SNRNP200: variants seen among roughly 807,000 people sequenced by gnomAD.
SNRNP200 encodes small nuclear ribonucleoprotein U5 subunit 200.
In SNRNP200, 66 loss-of-function variants were observed where a neutral mutation model predicts 255.2. The ratio of observed to expected loss-of-function variants is 0.26; its 90% confidence interval spans 0.21 to 0.32. SNRNP200 has a LOEUF of 0.32. Ranked by LOEUF, SNRNP200 falls within the 10% of genes least tolerant of loss-of-function variation. The pLI is 1.00. For synonymous variants in SNRNP200, 939 were observed against 1,027.8 expected (o/e 0.91, Z 1.65); for missense variants, 1,585 against 2,749.8 (o/e 0.58, Z 9.47).
chr2:96,282,881 A>C, intron 34 of SNRNP200: 1 of 451,008 alleles, frequency 2.2e-6, no homozygotes, highest in Non-Finnish European at 4.1e-6. Context: ...GAACGGACTA[A>C]TACACTTGGG....
intron 9 of SNRNP200, 59 bp from the exon 10 acceptor site, chr2:96,297,779 C>T: frequency 1.3e-6 from 2 of 1,575,832 alleles, no homozygotes; most frequent in African/African-American, 1.3e-5. Context: ...AGGTTCTTGT[C>T]CTTTTCTGCC....
At position 96,278,270 on chromosome 2, in the gene SNRNP200, G is replaced by A; in HGVS notation, c.5577C>T (p.Pro1859=). The change falls in exon 39 of 45, where the codon CCC becomes CCT. Residue 1859 remains proline, a synonymous_variant. Coordinates refer to ENST00000323853, the MANE Select transcript of SNRNP200 (RefSeq NM_014014.5). This position sits in a 1 kb window ranked among gnomAD's most constrained non-coding sequence, Gnocchi z 6.9. ...ISNAAEYENI[P]IRHHEDNLLR... ...GGAGATTGTCTTCATGGTGCCGGATGGGAATGTTCTCATACTCTGCTGCAT... is the reference window on the plus strand; with the variant it reads ...GGAGATTGTCTTCATGGTGCCGGATAGGAATGTTCTCATACTCTGCTGCAT... 6.2e-7 allele frequency: 1 copy of A among 1,614,180 alleles called. No homozygotes were observed. The highest frequency in any genetic ancestry group is 1.6e-4 in the Middle Eastern group (1 of 6,062).
chr2:96,301,993 G>C (rs1220525571), intron 3 of SNRNP200, among the ~76,000 whole-genome samples: 1 of 152,196 alleles, frequency 6.6e-6, no homozygotes, highest in African/African-American at 2.4e-5. Flanking sequence ...CCTCTAGCTT[G>C]CCACACTTTT....
At chr2:96,294,132 CAA>C (rs149859993) in intron 14 of SNRNP200, among the ~76,000 whole-genome samples, 36,844 of 84,566 alleles carry the variant, frequency 0.44, 5,169 homozygotes, top group South Asian at 0.7. Flanking sequence ...TGCTCCATCT[CAA>C]AAAAAAAAAA....
rs563649293 is a variant in SNRNP200, at chr2:96,281,416, G to A, written c.5024+398C>T. 4.4e-5 allele frequency: 12 copies of A among 274,870 alleles called. No individual in the cohort carries two copies. In the East Asian group the frequency reaches 9.3e-4, roughly 21 times the overall value. 17.0% of individuals were successfully genotyped at this position (274,870 alleles called of 1,614,324 possible). On this transcript the variant is annotated intron_variant, in intron 35 of 44. Transcript: ENST00000323853. Reference sequence around the variant, plus strand: ...ACTCCTGACCTCAAGTGATCCGCCCGCCTCAGCCTCCCAAAGTGCTGGGAT... The same window carrying A: ...ACTCCTGACCTCAAGTGATCCGCCCACCTCAGCCTCCCAAAGTGCTGGGAT...
Position 96,297,656 on chromosome 2 carries a change from T to G in SNRNP200, c.1184A>C (p.Asp395Ala), listed in dbSNP as rs1416886677. ...TCCTACCTCTCCACCCTGGTCGAGA[T>G]CCATGGTTTCCAGATCTGTGTCCAT... ...SRMDTDLETM[D>A]LDQGGEALAP... Residue 395 changes from aspartate to alanine, a missense_variant, in exon 10 of 45, where the codon GAT (aspartate) becomes GCT (alanine). Physicochemically the swap from Asp to Ala is moderately radical, Grantham distance 126. Around this residue, in one of 9 missense-constraint regions of SNRNP200, gnomAD observed 383 missense variants for 645.3 expected, o/e 0.59. Transcript: ENST00000323853. 3 of 1,614,198 alleles carry G rather than the reference T, an allele frequency of 1.9e-6. No homozygotes were observed. The highest frequency in any genetic ancestry group is 2.5e-6 in the Non-Finnish European group (3 of 1,180,020).
intron 4 of SNRNP200, 67 bp from the exon 5 acceptor site, chr2:96,301,120 A>C (rs2063949714): frequency 7.6e-7 from 1 of 1,318,206 alleles, no homozygotes; most frequent in African/African-American, 1.4e-5. Context: ...CTCTGGAGCC[A>C]ATGTCCTCCC....
chr2:96,287,744 C>G lies in SNRNP200; in HGVS notation c.3365+119G>C. 1.0e-6 allele frequency: 1 copy of G among 983,122 alleles called. No homozygotes were observed. Among genetic ancestry groups the G allele is most frequent in the Non-Finnish European group, 1.6e-6 (1 of 606,790 alleles). 60.9% of individuals were successfully genotyped at this position (983,122 alleles called of 1,614,324 possible). A position where few individuals can be genotyped will look rare whatever the true frequency, so the allele number is the denominator to read the frequency against. On this transcript the variant is annotated intron_variant, in intron 25 of 44. Transcript: ENST00000323853. This position sits in a 1 kb window ranked among gnomAD's most constrained non-coding sequence, Gnocchi z 5.7. ...CCTCTTCTCAATGTGCACCAAGGTTCAGGTCATACTTCCGATGTCAGGTCT... is the reference window on the plus strand; with the variant it reads ...CCTCTTCTCAATGTGCACCAAGGTTGAGGTCATACTTCCGATGTCAGGTCT...
rs201622009 is a variant in SNRNP200 at position 96,278,740 on chromosome 2, C to T, written c.5324-29G>A. 6.8e-6 allele frequency: 11 copies of T among 1,614,160 alleles called. No homozygotes were observed. Among genetic ancestry groups the T allele is most frequent in the Non-Finnish European group, 9.3e-6 (11 of 1,180,032 alleles). Reference sequence around the variant, plus strand: ...TGGAGGCGAGAGGTGAGTGGGGAGCCTCAAGAAGATGCCCAGCAAAGACTG... The same window carrying T: ...TGGAGGCGAGAGGTGAGTGGGGAGCTTCAAGAAGATGCCCAGCAAAGACTG... On this transcript the variant is annotated intron_variant, in intron 37 of 44. Transcript: ENST00000323853. This position sits in a 1 kb window ranked among gnomAD's most constrained non-coding sequence, Gnocchi z 6.9.
Position 96,291,423 on chromosome 2 carries a change from A to G in SNRNP200, c.2390T>C (p.Val797Ala). The change falls in exon 18 of 45, where the codon GTG becomes GCG. Residue 797 changes from valine (V) to alanine (A), a missense_variant. Physicochemically the swap from Val to Ala is moderately conservative, Grantham distance 64 (BLOSUM62 0). This residue lies in a region of SNRNP200 where 140 missense variants were observed against 274.9 expected (regional missense o/e 0.51). Coordinates refer to ENST00000323853, the MANE Select transcript of SNRNP200 (RefSeq NM_014014.5). The surrounding 1 kb of genome is among the most constrained non-coding windows in gnomAD (Gnocchi z 4.2). ...AGMTRVDRTL[V>A]EDLFADKHIQ... Reference sequence around the variant, plus strand: ...ATGTTTATCAGCAAAAAGATCCTCCACGAGTGTTCGGTCAACCCTGGTCAT... The same window carrying G: ...ATGTTTATCAGCAAAAAGATCCTCCGCGAGTGTTCGGTCAACCCTGGTCAT... The G allele has an allele frequency of 6.2e-7, 1 of 1,611,768 alleles. No homozygotes were observed. Among genetic ancestry groups the G allele is most frequent in the Non-Finnish European group, 8.5e-7 (1 of 1,177,872 alleles).
chr2:96,294,900 T>TA (rs1204852978), intron 14 of SNRNP200, among the ~76,000 whole-genome samples: 2 of 152,058 alleles, frequency 1.3e-5, no homozygotes, highest in African/African-American at 2.4e-5. Flanking sequence ...ATTTCAGACA[T>TA]AAAAAAATAT....
intron 43 of SNRNP200, 146 bp from the exon 44 acceptor site, chr2:96,275,495 T>C: frequency 1.3e-6 from 1 of 748,628 alleles, no homozygotes; most frequent in Non-Finnish European, 2.3e-6. Context: ...TTTAACATTT[T>C]AATACTATCA....
Position 96,278,664 on chromosome 2 carries a change from G to C in SNRNP200, c.5371C>G (p.Gln1791Glu). ...LSDHLSELVE[Q>E]TLSDLEQSKC... is the part of the protein sequence containing the mutation. ...GACTGCTCCAGGTCACTCAGGGTCT[G>C]CTCCACCAGCTCTGACAAGTGGTCC... The change falls in exon 38 of 45, where the codon CAG becomes GAG. Residue 1791 changes from glutamine (Q) to glutamate (E), a missense_variant. Gln to Glu is a conservative substitution (Grantham distance 29, BLOSUM62 2). Coordinates refer to ENST00000323853, the MANE Select transcript of SNRNP200 (RefSeq NM_014014.5). The surrounding 1 kb of genome is among the most constrained non-coding windows in gnomAD (Gnocchi z 6.9). 1 of 1,614,244 alleles carries C rather than the reference G, an allele frequency of 6.2e-7. No individual in the cohort carries two copies. Among genetic ancestry groups the C allele is most frequent in the Non-Finnish European group, 8.5e-7 (1 of 1,180,048 alleles).
Position 96,278,408 on chromosome 2 carries a change from G to A in SNRNP200, c.5489-50C>T. On this transcript the variant is annotated intron_variant, in intron 38 of 44. Coordinates refer to ENST00000323853, the MANE Select transcript of SNRNP200 (RefSeq NM_014014.5). The surrounding 1 kb of genome is among the most constrained non-coding windows in gnomAD (Gnocchi z 6.9). Reference sequence around the variant, plus strand: ...GAAGCTAAAACCAGGCAGAGAAGGAGCAGAACTGCCCGGGCTCCCCTGCTG... The same window carrying A: ...GAAGCTAAAACCAGGCAGAGAAGGAACAGAACTGCCCGGGCTCCCCTGCTG... 1 of 1,613,618 alleles carries A rather than the reference G, an allele frequency of 6.2e-7. No homozygotes were observed. The highest frequency in any genetic ancestry group is 1.1e-5 in the South Asian group (1 of 90,968).
chr2:96,296,344 T>G (rs1325112884), intron 13 of SNRNP200, among the ~76,000 whole-genome samples, 192 bp downstream of exon 13: 3 of 152,172 alleles, frequency 2.0e-5, no homozygotes, highest in African/African-American at 7.2e-5. Context: ...GCTCAGGACA[T>G]TCTTACTTCA....
chr2:96,293,951 T>A (rs895562772), intron 14 of SNRNP200, among the ~76,000 whole-genome samples: 3 of 152,098 alleles, frequency 2.0e-5, no homozygotes, highest in Non-Finnish European at 4.4e-5. Flanking sequence ...AGCCAGGGGA[T>A]GTTGTTAAAA....
intron 34 of SNRNP200, chr2:96,282,609 G>C (rs1383153991): frequency 1.5e-5 from 3 of 196,300 alleles, no homozygotes; most frequent in African/African-American, 7.0e-5. Flanking sequence ...CTCATGAATG[G>C]TTTAGCACCA....
chr2:96,284,254 G>A (rs2063827573), intron 31 of SNRNP200, 104 bp downstream of exon 31: 1 of 1,039,852 alleles, frequency 9.6e-7, no homozygotes, highest in South Asian at 1.3e-5. Context: ...AATCCTCTGG[G>A]GAGAAGCCCC....
At position 96,281,851 on chromosome 2, in the gene SNRNP200, T is replaced by C. The variant is rs372940792; in HGVS notation, c.4987A>G (p.Ile1663Val). 3.7e-6 allele frequency: 6 copies of C among 1,614,038 alleles called. No homozygotes were observed. The African/African-American group carries it at 6.7e-5, about 18-fold the overall frequency. ...GMNVAAHLVIIMDTQYYNGKI... is the reference protein window; with the variant it reads ...GMNVAAHLVIVMDTQYYNGKI... Reference sequence around the variant, plus strand: ...CCATTGTAGTACTGGGTATCCATGATGATTACCAGGTGGGCAGCCACGTTC... The same window carrying C: ...CCATTGTAGTACTGGGTATCCATGACGATTACCAGGTGGGCAGCCACGTTC... The change falls in exon 35 of 45, where the codon ATC (isoleucine) becomes GTC (valine). Residue 1663 changes from isoleucine to valine, a missense_variant. Physicochemically the swap from Ile to Val is conservative, Grantham distance 29. Transcript: ENST00000323853.
Sources: gnomAD v4.1 joint callset for allele counts (sites outside exome capture counted in the v4.1 genomes callset) on GRCh38, gnomAD v4.1.1 for gene constraint, gnomAD v4.1.1 regional missense constraint, Gnocchi (gnomAD v3.1) non-coding constraint, MANE v1.5 for transcripts, NCBI Gene and HGNC (gene_info 2026-07-23, HGNC 2026-07-21) for gene names.